FARS2: variants seen among roughly 807,000 people sequenced by gnomAD.
FARS2 encodes phenylalanyl-tRNA synthetase 2, mitochondrial, also known as phenylalanine--tRNA ligase, mitochondrial.
FARS2 carries 40 observed loss-of-function variants against 46.4 expected under a neutral mutation model. That is an observed-to-expected ratio of 0.86 (90% confidence interval 0.67 to 1.12). FARS2 has a LOEUF of 1.12. Ranked by LOEUF, FARS2 falls within the 50% of genes most tolerant of loss-of-function variation. The pLI is 0.00. For missense variants in FARS2, 513 were observed against 567.9 expected, an observed-to-expected ratio of 0.90 and a Z score of 0.98; for synonymous variants, 234 against 214.9, an observed-to-expected ratio of 1.09 and a Z score of -0.78.
chr6:5,417,671 C>G (rs1182905543), intron 3 of FARS2, among the ~76,000 whole-genome samples: 1 of 152,060 alleles, frequency 6.6e-6, no homozygotes, highest in Non-Finnish European at 1.5e-5. Flanking sequence ...GCAATGTTTT[C>G]TTTGTCACTG....
At chr6:5,621,519 G>C (rs891117890) in intron 6 of FARS2, among the ~76,000 whole-genome samples, 7 of 152,192 alleles carry the variant, frequency 4.6e-5, no homozygotes, top group African/African-American at 1.7e-4. Flanking sequence ...TAACACTCAG[G>C]AAACTTTGAT....
At chr6:5,595,437 A>C (rs1194495481) in intron 5 of FARS2, among the ~76,000 whole-genome samples, 1 of 152,152 alleles carries the variant, frequency 6.6e-6, no homozygotes, top group Non-Finnish European at 1.5e-5. Context: ...TGTCCCTGGT[A>C]CCACAGCCAG....
intron 2 of FARS2, among the ~76,000 whole-genome samples, chr6:5,372,434 G>A (rs57473292): frequency 6.6e-6 from 1 of 152,208 alleles, no homozygotes; most frequent in South Asian, 2.1e-4. Context: ...GAAGTGTATA[G>A]TCATATGGAT....
At position 5,432,314 on chromosome 6, in the gene FARS2, TAAA is replaced by T. The variant is rs775731412; in HGVS notation, c.904+1154_904+1156del. Among the ~76,000 whole-genome samples the T allele has an allele frequency of 5.9e-3, 574 of 97,408 alleles. 11 individuals carry two copies. Among genetic ancestry groups the T allele is most frequent in the African/African-American group, 0.015 (353 of 23,390 alleles). 63.9% of individuals were successfully genotyped at this position (97,408 alleles called of 152,430 possible). Reference sequence around the variant, plus strand: ...TGGGCGAAAGAGCAACACTCAGTCTTAAAAAAAAAAAAAATATATATATATATA... The same window carrying T: ...TGGGCGAAAGAGCAACACTCAGTCTTAAAAAAAAAAATATATATATATATA... On this transcript the variant is annotated intron_variant, in intron 4 of 6. Coordinates refer to ENST00000274680, the MANE Select transcript of FARS2 (RefSeq NM_006567.5).
At chr6:5,547,704 C>T (rs1352387571) in intron 5 of FARS2, among the ~76,000 whole-genome samples, 1 of 152,180 alleles carries the variant, frequency 6.6e-6, no homozygotes, top group African/African-American at 2.4e-5. Context: ...AGCTCTGTTT[C>T]TCCATTTTCC....
intron 6 of FARS2, among the ~76,000 whole-genome samples, chr6:5,650,756 C>T (rs1333359856): frequency 6.6e-6 from 1 of 152,164 alleles, no homozygotes; most frequent in Non-Finnish European, 1.5e-5. Flanking sequence ...GGATTACAGG[C>T]ATGAGCCACC....
intron 1 of FARS2, among the ~76,000 whole-genome samples, chr6:5,295,312 G>T (rs1767779358): frequency 6.6e-6 from 1 of 152,140 alleles, no homozygotes; most frequent in South Asian, 2.1e-4. Context: ...TCTTTTAAAA[G>T]TAAAGAAAAA....
At chr6:5,369,497 C>T (rs561536481) in intron 2 of FARS2, among the ~76,000 whole-genome samples, 4 of 152,244 alleles carry the variant, frequency 2.6e-5, no homozygotes, top group African/African-American at 9.6e-5. Flanking sequence ...CTCAAATTCA[C>T]CTTTAATCCA....
chr6:5,284,255 T>G (rs543626607), intron 1 of FARS2, among the ~76,000 whole-genome samples: 3 of 152,292 alleles, frequency 2.0e-5, no homozygotes, highest in Admixed American at 2.0e-4. Context: ...TTATATGGAG[T>G]GCTGGTGATG....
intron 6 of FARS2, among the ~76,000 whole-genome samples, chr6:5,625,357 C>T (rs1282740149): frequency 2.0e-5 from 3 of 152,202 alleles, no homozygotes; most frequent in African/African-American, 7.2e-5. Context: ...AGGGCCGCGA[C>T]TGACACAGGG....
intron 1 of FARS2, among the ~76,000 whole-genome samples, chr6:5,322,182 A>C (rs1770025785): frequency 6.6e-6 from 1 of 152,226 alleles, no homozygotes; most frequent in Non-Finnish European, 1.5e-5. Context: ...CATGGGAAGC[A>C]ACCTAAATGT....
At chr6:5,360,431 G>A (rs1330107952) in intron 1 of FARS2, among the ~76,000 whole-genome samples, 2 of 152,136 alleles carry the variant, frequency 1.3e-5, no homozygotes, top group Non-Finnish European at 2.9e-5. Context: ...ATGTCTACAG[G>A]TAATTACTGC....
At chr6:5,460,966 C>CTGTGTG (rs567577090) in intron 4 of FARS2, among the ~76,000 whole-genome samples, 6 of 149,282 alleles carry the variant, frequency 4.0e-5, no homozygotes, top group Admixed American at 6.7e-5. Context: ...CACACCAGGG[C>CTGTGTG]TGTGTGTGTG....
At chr6:5,383,846 A>G (rs2326627) in intron 2 of FARS2, among the ~76,000 whole-genome samples, 35,398 of 150,646 alleles carry the variant, frequency 0.23, 5,251 homozygotes, top group East Asian at 0.42. Context: ...TCACCTTCCT[A>G]TAGAACAGGT....
intron 1 of FARS2, among the ~76,000 whole-genome samples, chr6:5,277,560 C>T (rs1028470724): frequency 1.3e-5 from 2 of 152,042 alleles, no homozygotes; most frequent in African/African-American, 2.4e-5. Context: ...TCTGAATACT[C>T]GATACATTTG....
chr6:5,443,686 G>T (rs1177016624), intron 4 of FARS2, among the ~76,000 whole-genome samples: 2 of 152,194 alleles, frequency 1.3e-5, no homozygotes, highest in African/African-American at 2.4e-5. Context: ...CCCCAGCCCC[G>T]CAGACAGGTG....
intron 6 of FARS2, among the ~76,000 whole-genome samples, chr6:5,619,188 C>G (rs1025208075): frequency 6.6e-6 from 1 of 152,154 alleles, no homozygotes; most frequent in Non-Finnish European, 1.5e-5. Context: ...GACTGTAAGA[C>G]AAAGTAGACC....
At chr6:5,678,906 C>T (rs186538050) in intron 6 of FARS2, among the ~76,000 whole-genome samples, 6 of 152,180 alleles carry the variant, frequency 3.9e-5, no homozygotes, top group Admixed American at 1.3e-4. Flanking sequence ...TGACCGAATG[C>T]GGAAATACCT....
chr6:5,444,847 G>C (rs1764093099), intron 4 of FARS2, among the ~76,000 whole-genome samples: 1 of 152,166 alleles, frequency 6.6e-6, no homozygotes. Flanking sequence ...CAGCTGCTCA[G>C]TACAATTCCC....
Sources: allele counts gnomAD v4.1 joint callset (sites outside exome capture counted in the v4.1 genomes callset), GRCh38; gene constraint gnomAD v4.1.1; transcripts MANE v1.5; gene names NCBI Gene and HGNC (gene_info 2026-07-23, HGNC 2026-07-21).